The following SHPRH variants were observed in gnomAD, a reference collection of about 807,000 sequenced individuals.
SHPRH encodes the protein E3 ubiquitin-protein ligase SHPRH.
In SHPRH, 106 loss-of-function variants were observed where a neutral mutation model predicts 202.5. The ratio of observed to expected loss-of-function variants is 0.52; its 90% confidence interval spans 0.45 to 0.62. SHPRH has a LOEUF of 0.62. SHPRH is among the 20% of genes least tolerant of loss of function. SHPRH has a pLI of 0.00. For missense variants in SHPRH, 1,710 were observed against 2,020.0 expected, an observed-to-expected ratio of 0.85 and a Z score of 2.94; for synonymous variants, 729 against 686.0, an observed-to-expected ratio of 1.06 and a Z score of -0.98.
intron 1 of SHPRH, among the ~76,000 whole-genome samples, chr6:145,960,393 G>A (rs992809740): frequency 6.6e-6 from 1 of 152,150 alleles, no homozygotes; most frequent in Non-Finnish European, 1.5e-5. Context: ...TGGATATGGG[G>A]GGTGGAAGGG....
chr6:145,906,755 C>T (rs1433392268), intron 25 of SHPRH: 3 of 152,104 alleles, frequency 2.0e-5, no homozygotes, highest in African/African-American at 7.2e-5. Flanking sequence ...TGACTTCCTG[C>T]TCATCCCGCA....
downstream of SHPRH, among the ~76,000 whole-genome samples, chr6:145,860,913 A>G (rs545711760): frequency 2.0e-5 from 3 of 152,150 alleles, no homozygotes; most frequent in Non-Finnish European, 4.4e-5. Flanking sequence ...TAATCTATTC[A>G]GTAAATGGTG....
downstream of SHPRH, chr6:145,864,152 C>T (rs1779668949): frequency 5.8e-6 from 1 of 173,350 alleles, no homozygotes; most frequent in South Asian, 1.6e-4. Flanking sequence ...ATGACCATAA[C>T]TTAAGACAAA....
intron 29 of SHPRH, among the ~76,000 whole-genome samples, chr6:145,887,143 A>T (rs1282729045): frequency 6.6e-6 from 1 of 152,182 alleles, no homozygotes; most frequent in African/African-American, 2.4e-5. Context: ...TATTTTATTA[A>T]AACAACCTAA....
intron 16 of SHPRH, among the ~76,000 whole-genome samples, chr6:145,925,975 C>T (rs937528388): frequency 6.6e-6 from 1 of 151,900 alleles, no homozygotes; most frequent in East Asian, 1.9e-4. Context: ...GCCATATCTA[C>T]AACAAGCATT....
chr6:145,890,513 C>A (rs1781483032), intron 28 of SHPRH, among the ~76,000 whole-genome samples: 2 of 152,104 alleles, frequency 1.3e-5, no homozygotes, highest in South Asian at 4.1e-4. Context: ...ACACTCCTGT[C>A]TTCTGGTTTT....
rs1562290672 is a variant in SHPRH, at chr6:145,893,398, A to G, written c.4696-5T>C. On this transcript the variant is annotated splice_region_variant and splice_polypyrimidine_tract_variant and intron_variant, in intron 27 of 29. Transcript: ENST00000275233. ...TTTAAATGCTGAAAGGTTCTCCTAA[A>G]AAAGAAAGGTACATTTTAATTTTAG... The G allele has an allele frequency of 1.3e-6, 2 of 1,577,578 alleles. No individual in the cohort carries two copies. Among genetic ancestry groups the G allele is most frequent in the Non-Finnish European group, 1.7e-6 (2 of 1,166,586 alleles).
intron 14 of SHPRH, among the ~76,000 whole-genome samples, chr6:145,930,189 T>C (rs1055364203): frequency 4.6e-5 from 7 of 152,098 alleles, no homozygotes; most frequent in South Asian, 2.1e-4. Context: ...CTGGTTCTAT[T>C]ATGCTAAAGA....
Position 145,893,201 on chromosome 6 carries a change from A to AT in SHPRH, c.4874+13dup. 1.3e-6 allele frequency: 2 copies of AT among 1,503,738 alleles called. No individual in the cohort carries two copies. The highest frequency in any genetic ancestry group is 1.8e-6 in the Non-Finnish European group (2 of 1,127,304). The allele number at this position is 1,503,738 out of a possible 1,614,324, so 93.1% of individuals were successfully genotyped here. ...ACTGAAGCAAATGTGACTGATTCTA[A>AT]TTTTAGTCCTTACTTTGTCTGTCCA... On this transcript the variant is annotated intron_variant, in intron 28 of 29. Transcript: ENST00000275233.
At chr6:145,874,301 T>C (rs1289381425) in intron 2 of SHPRH, among the ~76,000 whole-genome samples, 2 of 152,060 alleles carry the variant, frequency 1.3e-5, no homozygotes, top group African/African-American at 4.8e-5. Flanking sequence ...TTTAAAAACC[T>C]TGAAGTACAC....
intron 25 of SHPRH, chr6:145,905,387 T>A (rs1039977934): frequency 6.6e-6 from 1 of 152,086 alleles, no homozygotes; most frequent in Non-Finnish European, 1.5e-5. Context: ...GGCTGCACCA[T>A]AAGTCACCTA....
intron 2 of SHPRH, chr6:145,876,657 A>G (rs1188583124): frequency 6.6e-6 from 1 of 151,906 alleles, no homozygotes; most frequent in Admixed American, 6.6e-5. Flanking sequence ...TTCTGTGAAC[A>G]CATGTTTTCA....
At chr6:145,867,627 T>TAGAGAGAGAGAGAGAG (rs1296301891) in intron 2 of SHPRH, among the ~76,000 whole-genome samples, 3 of 53,796 alleles carry the variant, frequency 5.6e-5, no homozygotes, top group East Asian at 5.6e-4. Context: ...TATATATATA[T>TAGAGAGAGAGAGAGAG]ATATAGAGAG....
intron 25 of SHPRH, chr6:145,907,807 A>C (rs1230991965): frequency 6.6e-6 from 1 of 152,154 alleles, no homozygotes; most frequent in Non-Finnish European, 1.5e-5. Context: ...AAACAAAACA[A>C]AACAAAAAAA....
chr6:145,860,946 T>A (rs1042337263), downstream of SHPRH, among the ~76,000 whole-genome samples: 3 of 152,026 alleles, frequency 2.0e-5, no homozygotes, highest in Non-Finnish European at 2.9e-5. Flanking sequence ...AATATCCACA[T>A]GTAAAGCATG....
intron 2 of SHPRH, among the ~76,000 whole-genome samples, chr6:145,877,260 C>T (rs1280037156): frequency 6.6e-6 from 1 of 152,154 alleles, no homozygotes; most frequent in Non-Finnish European, 1.5e-5. Flanking sequence ...GCAGCTGTAC[C>T]ATTTTACATT....
intron 18 of SHPRH, 117 bp from the exon 19 acceptor site, chr6:145,922,953 T>TC: frequency 2.4e-6 from 3 of 1,251,626 alleles, no homozygotes; most frequent in Non-Finnish European, 3.2e-6. Flanking sequence ...CTGTTTTTTT[T>TC]TTTTTTAACA....
chr6:145,930,680 C>G (rs1198003123), intron 14 of SHPRH, among the ~76,000 whole-genome samples: 1 of 152,124 alleles, frequency 6.6e-6, no homozygotes, highest in African/African-American at 2.4e-5. Flanking sequence ...TACTTGAAAA[C>G]AATGTATATT....
At chr6:145,915,693 G>C (rs541213101) in intron 23 of SHPRH, among the ~76,000 whole-genome samples, 1 of 152,114 alleles carries the variant, frequency 6.6e-6, no homozygotes, top group African/African-American at 2.4e-5. Flanking sequence ...GTAGCCACCA[G>C]TTTTATTAGT....
Sources: allele counts gnomAD v4.1 joint callset (sites outside exome capture counted in the v4.1 genomes callset), GRCh38; gene constraint gnomAD v4.1.1; transcripts MANE v1.5; gene names NCBI Gene and HGNC (gene_info 2026-07-23, HGNC 2026-07-21).